Variants in ZNF469 observed in about 807,000 individuals in gnomAD.
The protein encoded by ZNF469 is zinc finger protein 469.
Under a neutral mutation model 1.0 loss-of-function variants are expected in ZNF469, and 1 was observed. The observed-to-expected ratio is 1.00, with a 90% CI of 0.35 to 4.73. ZNF469 has a LOEUF of 4.73. ZNF469 is among the 30% of genes most tolerant of loss of function. The pLI is 0.16. For missense variants in ZNF469, 6,100 were observed against 5,356.3 expected (o/e 1.14, Z -4.33); for synonymous variants, 2,703 against 2,363.4 (o/e 1.14, Z -4.17).
the ZNF469 span, among the ~76,000 whole-genome samples, chr16:88,233,371 G>A: frequency 9.2e-5 from 14 of 152,340 alleles, no homozygotes; most frequent in East Asian, 2.7e-3. Context: ...TTTTGTCCCT[G>A]CCTGTGTCCA....
chr16:88,195,374 C>T, the ZNF469 span, among the ~76,000 whole-genome samples: 1 of 152,286 alleles, frequency 6.6e-6, no homozygotes, highest in South Asian at 2.1e-4. Context: ...TAGCTGTGTT[C>T]GTGGGCCCCG....
the ZNF469 span, among the ~76,000 whole-genome samples, chr16:88,179,271 C>A: frequency 2.0e-5 from 3 of 152,164 alleles, no homozygotes; most frequent in Non-Finnish European, 4.4e-5. Flanking sequence ...GGCTTCCTGC[C>A]GACCCCACCT....
the ZNF469 span, among the ~76,000 whole-genome samples, chr16:88,333,521 G>C: frequency 6.7e-6 from 1 of 149,864 alleles, no homozygotes; most frequent in Non-Finnish European, 1.5e-5. Flanking sequence ...AGTCACGGAA[G>C]AGGGGCCCAT....
At chr16:88,363,673 A>G in the ZNF469 span, among the ~76,000 whole-genome samples, 3 of 152,342 alleles carry the variant, frequency 2.0e-5, no homozygotes, top group East Asian at 5.8e-4. Flanking sequence ...CAGGTTTTGC[A>G]TCAGAGTTTT....
At chr16:88,292,564 T>C in the ZNF469 span, among the ~76,000 whole-genome samples, 1 of 151,786 alleles carries the variant, frequency 6.6e-6, no homozygotes, top group Non-Finnish European at 1.5e-5. Flanking sequence ...AGAAAACGGG[T>C]TGAGTGAAGC....
the ZNF469 span, among the ~76,000 whole-genome samples, chr16:88,345,443 A>C: frequency 6.6e-6 from 1 of 152,236 alleles, no homozygotes; most frequent in Non-Finnish European, 1.5e-5. Context: ...CGGCACAGCC[A>C]TGATGGCTAC....
At position 88,432,620 on chromosome 16, in the gene ZNF469, C is replaced by A. The variant is rs544832628; in HGVS notation, c.5150C>A (p.Pro1717His). 4 of 1,550,440 alleles carry A rather than the reference C, an allele frequency of 2.6e-6. No homozygotes were observed. Among genetic ancestry groups the A allele is most frequent in the Non-Finnish European group, 3.5e-6 (4 of 1,146,972 alleles). ...CAGGCAGAAGGAGACAGCAGGCCCC[C>A]CCAAGATGTCTGCCTGCCTGAGCCC... is the stretch of plus-strand genomic sequence containing the variant. The part of the protein sequence containing the change: ...LCQAEGDSRP[P>H]QDVCLPEPSK... Residue 1717 changes from proline to histidine, a missense_variant, in exon 3 of 3, where the codon CCC (proline) becomes CAC (histidine). Physicochemically the swap from Pro to His is moderately conservative, Grantham distance 77 (BLOSUM62 -2). Coordinates refer to ENST00000565624, the MANE Select transcript of ZNF469 (RefSeq NM_001367624.2).
the ZNF469 span, among the ~76,000 whole-genome samples, chr16:88,130,513 C>G: frequency 6.6e-6 from 1 of 152,004 alleles, no homozygotes; most frequent in African/African-American, 2.4e-5. Flanking sequence ...CGAGACCAGC[C>G]TGGCCAATAT....
chr16:88,139,979 A>G, the ZNF469 span, among the ~76,000 whole-genome samples: 1 of 152,232 alleles, frequency 6.6e-6, no homozygotes, highest in African/African-American at 2.4e-5. Context: ...ACTCCTACCG[A>G]GTTTGAGCTC....
chr16:88,105,137 G>A, the ZNF469 span, among the ~76,000 whole-genome samples: 12 of 152,286 alleles, frequency 7.9e-5, no homozygotes, highest in East Asian at 1.9e-3. Context: ...GGGAGGAACA[G>A]TTGAGCTGGG....
chr16:88,429,209 C>G lies in ZNF469; in HGVS notation c.1739C>G (p.Pro580Arg). 1 of 1,549,904 alleles carries G rather than the reference C, an allele frequency of 6.5e-7. No individual in the cohort carries two copies. Among genetic ancestry groups the G allele is most frequent in the Non-Finnish European group, 8.7e-7 (1 of 1,146,840 alleles). ...VSPHGTPSLPPPRVVGASPSE... is the reference protein window; with the variant it reads ...VSPHGTPSLPRPRVVGASPSE... ...CCCCACGGGACACCCAGCCTGCCCC[C>G]ACCGAGGGTAGTGGGAGCCTCCCCC... is the stretch of plus-strand genomic sequence containing the variant. The change falls in exon 3 of 3, where the codon CCA (proline) becomes CGA (arginine). Residue 580 changes from proline to arginine, a missense_variant. Physicochemically the swap from Pro to Arg is moderately radical, Grantham distance 103 (BLOSUM62 -2). Coordinates refer to ENST00000565624, the MANE Select transcript of ZNF469 (RefSeq NM_001367624.2).
the ZNF469 span, among the ~76,000 whole-genome samples, chr16:88,371,055 T>C: frequency 6.6e-6 from 1 of 152,224 alleles, no homozygotes; most frequent in African/African-American, 2.4e-5. Context: ...AATGCAGATA[T>C]CAGCCAAGCT....
the ZNF469 span, among the ~76,000 whole-genome samples, chr16:88,164,217 AG>A: frequency 9.1e-5 from 10 of 110,200 alleles, no homozygotes; most frequent in African/African-American, 3.9e-4. Context: ...TGGGTGGGTG[AG>A]TGGATGGGTG....
Position 88,431,648 on chromosome 16 carries a change from G to A in ZNF469, c.4178G>A (p.Cys1393Tyr). Residue 1393 changes from cysteine (C) to tyrosine (Y), a missense_variant, in exon 3 of 3, where the codon TGT becomes TAT. Physicochemically the swap from Cys to Tyr is radical, Grantham distance 194. Transcript: ENST00000565624. ...CTCGGACCCAAAGACCTGGCTGGCT[G>A]TTTCCTGGAAGAACTGCACCCCAAG... ...LFLGPKDLAG[C>Y]FLEELHPKPS... The A allele has an allele frequency of 6.4e-7, 1 of 1,550,482 alleles. No individual in the cohort carries two copies. The highest frequency in any genetic ancestry group is 8.7e-7 in the Non-Finnish European group (1 of 1,146,992).
At chr16:88,217,733 T>G in the ZNF469 span, among the ~76,000 whole-genome samples, 1 of 108,202 alleles carries the variant, frequency 9.2e-6, no homozygotes, top group African/African-American at 3.4e-5. Context: ...AGAATGATGA[T>G]TTCCAATTTC....
chr16:88,242,291 A>C, the ZNF469 span, among the ~76,000 whole-genome samples: 1 of 152,190 alleles, frequency 6.6e-6, no homozygotes, highest in Non-Finnish European at 1.5e-5. Context: ...TGCATTTTCA[A>C]AATTCAAAAT....
the ZNF469 span, among the ~76,000 whole-genome samples, chr16:88,274,034 A>G: frequency 6.6e-6 from 1 of 151,952 alleles, no homozygotes; most frequent in Non-Finnish European, 1.5e-5. Context: ...CGATCTCCTG[A>G]CCTCGTGATC....
rs1010145375 is a variant in ZNF469 at position 88,429,865 on chromosome 16, T to C, written c.2395T>C (p.Leu799=). Reference sequence around the variant, plus strand: ...GCTCAGCCACGCGAAGACCTTCCTGTTAGCTGGGGACGCCCAGGCCGAGGG... The same window carrying C: ...GCTCAGCCACGCGAAGACCTTCCTGCTAGCTGGGGACGCCCAGGCCGAGGG... ...GLLSHAKTFL[L]AGDAQAEGKD... is the part of the protein sequence containing the mutation. Residue 799 remains leucine (L), a synonymous_variant, in exon 3 of 3, where the codon TTA becomes CTA. Coordinates refer to ENST00000565624, the MANE Select transcript of ZNF469 (RefSeq NM_001367624.2). 129 of 1,549,844 alleles carry C rather than the reference T, an allele frequency of 8.3e-5. No homozygotes were observed. The highest frequency in any genetic ancestry group is 1.1e-4 in the Non-Finnish European group (124 of 1,146,764).
At chr16:88,114,478 G>A in the ZNF469 span, among the ~76,000 whole-genome samples, 3 of 149,434 alleles carry the variant, frequency 2.0e-5, no homozygotes, top group East Asian at 5.8e-4. Context: ...GACTGCGGGG[G>A]TCTCCGGGTT....
Sources: allele counts gnomAD v4.1 joint callset (sites outside exome capture counted in the v4.1 genomes callset), GRCh38; gene constraint gnomAD v4.1.1; transcripts MANE v1.5; gene names NCBI Gene and HGNC (gene_info 2026-07-23, HGNC 2026-07-21).